Variants in CACTIN observed in about 807,000 individuals in gnomAD.
CACTIN encodes the protein cactin, spliceosome C complex subunit.
A neutral mutation model predicts 84.9 loss-of-function variants in CACTIN; 20 were observed. The observed-to-expected ratio is 0.24, with a 90% CI of 0.17 to 0.34. CACTIN has a LOEUF of 0.34. Ranked by LOEUF, CACTIN falls within the 10% of genes least tolerant of loss-of-function variation. CACTIN has a pLI of 1.00. For synonymous variants in CACTIN, 549 were observed against 467.9 expected (o/e 1.17, Z -2.24); for missense variants, 897 against 1,117.2 (o/e 0.80, Z 2.81).
Position 3,610,653 on chromosome 19 carries a change from A to T in CACTIN, c.*1270T>A. On this transcript the variant is annotated 3_prime_UTR_variant, in exon 10 of 10. Transcript: ENST00000429344. ...TTTCTGCAAACCTAAGATTATTCTA[A>T]AATACAACGTTTATTAAAAAAACAT... The T allele has an allele frequency of 2.2e-6, 1 of 451,656 alleles. No homozygotes were observed. The highest frequency in any genetic ancestry group is 1.6e-5 in the South Asian group (1 of 63,560). 28.0% of individuals were successfully genotyped at this position (451,656 alleles called of 1,614,324 possible). A position where few individuals can be genotyped will look rare whatever the true frequency, so the allele number is the denominator to read the frequency against.
intron 2 of CACTIN, 74 bp from the exon 3 acceptor site, chr19:3,620,876 G>C: frequency 8.4e-7 from 1 of 1,190,508 alleles, no homozygotes; most frequent in African/African-American, 1.5e-5. Flanking sequence ...CTTCGTCCAA[G>C]AGATTGACCA....
intron 1 of CACTIN, among the ~76,000 whole-genome samples, chr19:3,625,686 C>T (rs2033318687): frequency 6.6e-6 from 1 of 152,248 alleles, no homozygotes; most frequent in African/African-American, 2.4e-5. Flanking sequence ...GAGATCGTGC[C>T]ACTGCACCCC....
chr19:3,624,272 A>G, intron 1 of CACTIN, 110 bp from the exon 2 acceptor site: 1 of 1,011,906 alleles, frequency 9.9e-7, no homozygotes, highest in Non-Finnish European at 1.4e-6. Flanking sequence ...TTCTGGGGAC[A>G]CAGCAGTGAC....
chr19:3,613,802 A>G lies in CACTIN; in HGVS notation c.1356-216T>C, dbSNP rs2033038554. On this transcript the variant is annotated intron_variant, in intron 7 of 9. Transcript: ENST00000429344. ...CGCAGGTACCCTGGTGAACCATCCC[A>G]TGGCAGGGAGAGGTGGGTCTCTGTC... 1.2e-5 allele frequency: 7 copies of G among 608,222 alleles called. No homozygotes were observed. The Admixed American group carries it at 1.6e-4, about 14-fold the overall frequency. 37.7% of individuals were successfully genotyped at this position (608,222 alleles called of 1,614,324 possible).
chr19:3,626,679 C>A lies in CACTIN; in HGVS notation c.84G>T (p.Arg28=). 1 of 1,525,678 alleles carries A rather than the reference C, an allele frequency of 6.6e-7. No homozygotes were observed. The highest frequency in any genetic ancestry group is 1.4e-5 in the African/African-American group (1 of 70,246). The allele number at this position is 1,525,678 out of a possible 1,614,324, so 94.5% of individuals were successfully genotyped here. ...GGTTTCGCCGCCCATGGCTCCTGCTCCGACTTCGGCTCCCGCTCTGACTCT... is the reference window on the plus strand; with the variant it reads ...GGTTTCGCCGCCCATGGCTCCTGCTACGACTTCGGCTCCCGCTCTGACTCT... ...RRQSQSGSRS[R]SRSHGRRNRR... is the part of the protein sequence containing the mutation. Residue 28 remains arginine, a synonymous_variant, in exon 1 of 10, where the codon CGG becomes CGT. Coordinates refer to ENST00000429344, the MANE Select transcript of CACTIN (RefSeq NM_001080543.2).
chr19:3,619,069 G>A lies in CACTIN; in HGVS notation c.1047+11C>T. 1 of 1,552,784 alleles carries A rather than the reference G, an allele frequency of 6.4e-7. No homozygotes were observed. Among genetic ancestry groups the A allele is most frequent in the Non-Finnish European group, 8.7e-7 (1 of 1,147,792 alleles). ...GTGCAGGTCAGAGGAGCATCGGGTG[G>A]GGCTGGGTACCTGGATATCCTCCAG... On this transcript the variant is annotated intron_variant, in intron 5 of 9. Transcript: ENST00000429344.
At position 3,624,054 on chromosome 19, in the gene CACTIN, C is replaced by T. The variant is rs752269591; in HGVS notation, c.276G>A (p.Glu92=). 13 of 1,604,784 alleles carry T rather than the reference C, an allele frequency of 8.1e-6. No individual in the cohort carries two copies. The highest frequency in any genetic ancestry group is 1.1e-5 in the Non-Finnish European group (13 of 1,179,722). ...RDGSSQSDSG[E]EQSRGQWARR... ...GAGCCCACTGGCCCCGTGACTGCTC[C>T]TCTCCTGAGTCCGACTGAGAGGACC... is the stretch of plus-strand genomic sequence containing the variant. Residue 92 remains glutamate, a synonymous_variant, in exon 2 of 10, where the codon GAG becomes GAA. Coordinates refer to ENST00000429344, the MANE Select transcript of CACTIN (RefSeq NM_001080543.2).
At chr19:3,626,537 G>C (rs1025656448) in intron 1 of CACTIN, 59 bp downstream of exon 1, 15 of 1,301,972 alleles carry the variant, frequency 1.2e-5, no homozygotes, top group East Asian at 9.4e-5. Flanking sequence ...TCCAACCCTC[G>C]GTCGGGCGCT....
rs1282627290 is a variant in CACTIN at position 3,613,517 on chromosome 19, C to T, written c.1425G>A (p.Glu475=). 5 of 1,588,686 alleles carry T rather than the reference C, an allele frequency of 3.1e-6. No homozygotes were observed. Among genetic ancestry groups the T allele is most frequent in the Middle Eastern group, 1.7e-4 (1 of 5,962 alleles). The change falls in exon 8 of 10, where the codon GAG becomes GAA. Residue 475 remains glutamate (E), a synonymous_variant. Transcript: ENST00000429344. ...TGAGGATGGGGAACAGCGGCTCGCT[C>T]TCCACGCCCTGCTCCTGCTTCAGTT... ...LYKLKQEQGV[E]SEPLFPILKQ...
At chr19:3,619,594 A>C (rs1000842851) in intron 4 of CACTIN, among the ~76,000 whole-genome samples, 1 of 151,982 alleles carries the variant, frequency 6.6e-6, no homozygotes, top group African/African-American at 2.4e-5. Context: ...AGGCTGGGGG[A>C]CCAGAGTAGT....
intron 6 of CACTIN, 74 bp from the exon 7 acceptor site, chr19:3,614,663 C>A: frequency 8.0e-7 from 1 of 1,248,318 alleles, no homozygotes; most frequent in South Asian, 1.3e-5. Flanking sequence ...AGGGCCTCCT[C>A]CCCTGCCATG....
rs767628460 is a variant in CACTIN at position 3,610,953 on chromosome 19, G to A, written c.*970C>T. 7 of 456,748 alleles carry A rather than the reference G, an allele frequency of 1.5e-5. No individual in the cohort carries two copies. The highest frequency in any genetic ancestry group is 9.3e-5 in the South Asian group (6 of 64,574). The allele number at this position is 456,748 out of a possible 1,614,324, so 28.3% of individuals were successfully genotyped here. On this transcript the variant is annotated 3_prime_UTR_variant, in exon 10 of 10. Transcript: ENST00000429344. ...CCGACCTGGGCTGTGGCACCCGTGTGGCCCTCGGCCCTCCTGGCCTGAGAA... is the reference window on the plus strand; with the variant it reads ...CCGACCTGGGCTGTGGCACCCGTGTAGCCCTCGGCCCTCCTGGCCTGAGAA...
Position 3,611,236 on chromosome 19 carries a change from G to A in CACTIN, c.*687C>T, listed in dbSNP as rs1188822895. ...TCGACGCATCCTCCATACCCGCTGC[G>A]GGGAAATGGACCCCACCAGCCAGCA... On this transcript the variant is annotated 3_prime_UTR_variant, in exon 10 of 10. Transcript: ENST00000429344. 1.1e-5 allele frequency: 5 copies of A among 440,690 alleles called. No homozygotes were observed. The highest frequency in any genetic ancestry group is 5.3e-5 in the Admixed American group (2 of 37,674). The allele number at this position is 440,690 out of a possible 1,614,324, so 27.3% of individuals were successfully genotyped here.
intron 6 of CACTIN, among the ~76,000 whole-genome samples, chr19:3,617,151 C>T (rs965571664): frequency 6.6e-6 from 1 of 152,000 alleles, no homozygotes; most frequent in African/African-American, 2.4e-5. Flanking sequence ...TGATGGTGAG[C>T]GCCTGTAGTC....
At chr19:3,613,734 G>C in intron 7 of CACTIN, 148 bp from the exon 8 acceptor site, 1 of 1,167,010 alleles carries the variant, frequency 8.6e-7, no homozygotes, top group East Asian at 2.6e-5. Context: ...GCCCAGGCTT[G>C]GTCAGTTCAG....
chr19:3,614,701 C>CTGTGGGGG, intron 6 of CACTIN, 112 bp from the exon 7 acceptor site: 1 of 814,196 alleles, frequency 1.2e-6, no homozygotes, highest in Non-Finnish European at 2.0e-6. Context: ...TCCTCTTCCC[C>CTGTGGGGG]CACAGGGGTC....
Position 3,620,311 on chromosome 19 carries a change from G to A in CACTIN, c.739-39C>T, listed in dbSNP as rs559776691. On this transcript the variant is annotated intron_variant, in intron 3 of 9. Coordinates refer to ENST00000429344, the MANE Select transcript of CACTIN (RefSeq NM_001080543.2). ...AGGCTGAGGGCAGCGGGGACCGTGC[G>A]GTCTGCAGGGCTGCGGGGGGAGGGG... 67 of 1,539,324 alleles carry A rather than the reference G, an allele frequency of 4.4e-5. 1 individual carries two copies. Among genetic ancestry groups the A allele is most frequent in the South Asian group, 3.1e-4 (26 of 84,454 alleles).
At chr19:3,613,397 C>G (rs1465351237) in intron 8 of CACTIN, 32 bp from the exon 9 acceptor site, 2 of 1,533,890 alleles carry the variant, frequency 1.3e-6, no homozygotes, top group Admixed American at 2.0e-5. Flanking sequence ...GGCGCGGAGG[C>G]TGCCCACGGC....
Position 3,626,597 on chromosome 19 carries a change from T to A in CACTIN, c.166A>T (p.Arg56Trp). The A allele has an allele frequency of 1.4e-6, 2 of 1,466,668 alleles. No homozygotes were observed. Among genetic ancestry groups the A allele is most frequent in the Non-Finnish European group, 1.8e-6 (2 of 1,112,930 alleles). The allele number at this position is 1,466,668 out of a possible 1,614,324, so 90.9% of individuals were successfully genotyped here. A position where few individuals can be genotyped will look rare whatever the true frequency, so the allele number is the denominator to read the frequency against. ...GCGCTGCTCCCGCAGCGACCCCACC[T>A]GCGCTCCCGGCTCCGCCGCCTCCGT... ...RRRRRRSRERRSDSEEERWQR... is the reference protein window; with the variant it reads ...RRRRRRSRERWSDSEEERWQR... Residue 56 changes from arginine to tryptophan, a missense_variant and splice_region_variant, in exon 1 of 10, where the codon AGG (arginine) becomes TGG (tryptophan). By Grantham distance (101) the Arg-to-Trp change is moderately radical (BLOSUM62 -3). This residue lies in a region of CACTIN where 261 missense variants were observed against 243.8 expected (regional missense o/e 1.07). Transcript: ENST00000429344.
Sources: allele counts gnomAD v4.1 joint callset (sites outside exome capture counted in the v4.1 genomes callset), GRCh38; gene constraint gnomAD v4.1.1; regional missense constraint gnomAD v4.1.1; transcripts MANE v1.5; gene names NCBI Gene and HGNC (gene_info 2026-07-23, HGNC 2026-07-21).